Variants in ISY1 observed in about 807,000 individuals in gnomAD.
ISY1 encodes pre-mRNA-splicing factor ISY1 homolog.
A neutral mutation model predicts 54.4 loss-of-function variants in ISY1; 12 were observed. The observed-to-expected ratio is 0.22, with a 90% CI of 0.14 to 0.36. The LOEUF (loss-of-function observed/expected upper bound fraction) is 0.36, where lower values mean the gene tolerates loss of function less well. Among genes scored for constraint, ISY1 ranks in the 10% least tolerant of loss-of-function variants. The pLI, the probability that ISY1 is intolerant of heterozygous loss-of-function variation, is 1.00. For synonymous variants in ISY1, 96 were observed against 117.9 expected (o/e 0.81, Z 1.20); for missense variants, 282 against 342.2 (o/e 0.82, Z 1.39).
intron 6 of ISY1, 33 bp from the exon 7 acceptor site, chr3:129,140,518 T>TGTTA (rs377695484): frequency 2.8e-5 from 44 of 1,563,310 alleles, no homozygotes; most frequent in Middle Eastern, 3.4e-4. Context: ...AAAATGGATC[T>TGTTA]GTTAGTTAGT....
chr3:129,152,294 T>C, intron 5 of ISY1, among the ~76,000 whole-genome samples: 1 of 152,264 alleles, frequency 6.6e-6, no homozygotes, highest in South Asian at 2.1e-4. Flanking sequence ...CAGTTTTTCT[T>C]CTTTGGAATG....
At chr3:129,141,140 G>A (rs958750331) in intron 6 of ISY1, among the ~76,000 whole-genome samples, 4 of 151,356 alleles carry the variant, frequency 2.6e-5, no homozygotes, top group Non-Finnish European at 5.9e-5. Context: ...GGGAGGTGGA[G>A]ATTGCAGCGA....
At chr3:129,159,048 C>G in intron 2 of ISY1, 106 bp downstream of exon 2, 2 of 1,398,572 alleles carry the variant, frequency 1.4e-6, no homozygotes, top group Admixed American at 2.2e-5. Flanking sequence ...AAGAAAGAAA[C>G]AGCTTCTCAA....
chr3:129,140,054 A>G (rs1936561604), intron 7 of ISY1, among the ~76,000 whole-genome samples: 1 of 152,234 alleles, frequency 6.6e-6, no homozygotes. Context: ...AATGAACTTC[A>G]GAGCCTGCCC....
At position 129,130,173 on chromosome 3, in the gene ISY1, C is replaced by G. The variant is rs1936197361; in HGVS notation, c.766G>C (p.Val256Leu). 2 of 1,610,218 alleles carry G rather than the reference C, an allele frequency of 1.2e-6. No homozygotes were observed. Among genetic ancestry groups the G allele is most frequent in the Non-Finnish European group, 1.7e-6 (2 of 1,178,598 alleles). The change falls in exon 11 of 11, where the codon GTG becomes CTG. Residue 256 changes from valine (V) to leucine (L), a missense_variant. This residue lies in a region of ISY1 where 279 missense variants were observed against 323.6 expected (regional missense o/e 0.86). Coordinates refer to ENST00000393295, the MANE Select transcript of ISY1 (RefSeq NM_020701.4). Reference protein sequence around the residue: ...PSQQEIEEALVRRKKMELLQK... With the variant: ...PSQQEIEEALLRRKKMELLQK... ...AGGAGTTCCATTTTCTTCCTTCGCA[C>G]CAGTGCCTCCTCAATCTGTGGAAAT...
intron 9 of ISY1, among the ~76,000 whole-genome samples, chr3:129,131,466 G>A (rs971913973): frequency 2.6e-5 from 4 of 152,190 alleles, no homozygotes; most frequent in Non-Finnish European, 5.9e-5. Context: ...GTCACAAGAG[G>A]TCAGGAGGGT....
intron 7 of ISY1, among the ~76,000 whole-genome samples, chr3:129,135,608 AC>A (rs1352710026): frequency 2.0e-5 from 3 of 151,904 alleles, no homozygotes; most frequent in Non-Finnish European, 4.4e-5. Context: ...TACTAAAAAT[AC>A]AAAAATTAGC....
intron 9 of ISY1, among the ~76,000 whole-genome samples, chr3:129,132,838 T>C (rs1180561934): frequency 6.6e-6 from 1 of 152,264 alleles, no homozygotes; most frequent in Non-Finnish European, 1.5e-5. Flanking sequence ...GCTTCAGACC[T>C]GCACTGAACC....
intron 5 of ISY1, 101 bp downstream of exon 5, chr3:129,156,532 T>C (rs1187458207): frequency 1.6e-6 from 2 of 1,231,902 alleles, no homozygotes; most frequent in African/African-American, 3.0e-5. Context: ...ACTGATTTAC[T>C]ATCTACTTGC....
At chr3:129,145,916 A>G (rs1560018860) in intron 5 of ISY1, 43 bp from the exon 6 acceptor site, 1 of 1,592,270 alleles carries the variant, frequency 6.3e-7, no homozygotes. Context: ...ATAAAAATGA[A>G]TGTCAACACC....
At chr3:129,152,925 TTAG>T (rs1473969061) in intron 5 of ISY1, among the ~76,000 whole-genome samples, 1 of 152,152 alleles carries the variant, frequency 6.6e-6, no homozygotes, top group Non-Finnish European at 1.5e-5. Context: ...CCTTAAATAT[TTAG>T]TAGAACTGAC....
Position 129,134,065 on chromosome 3 carries a change from C to T in ISY1, c.663+9G>A. Reference sequence around the variant, plus strand: ...GGCAGTGAGTGCCAGAGGGGGCCAACCCCAATACCTCCTCCTCGGTGACTG... The same window carrying T: ...GGCAGTGAGTGCCAGAGGGGGCCAATCCCAATACCTCCTCCTCGGTGACTG... On this transcript the variant is annotated intron_variant, in intron 9 of 10. Transcript: ENST00000393295. 1 of 1,613,932 alleles carries T rather than the reference C, an allele frequency of 6.2e-7. No individual in the cohort carries two copies. Among genetic ancestry groups the T allele is most frequent in the Non-Finnish European group, 8.5e-7 (1 of 1,179,968 alleles).
At chr3:129,156,791 T>G (rs769572784) in intron 4 of ISY1, 64 bp downstream of exon 4, 20 of 1,587,312 alleles carry the variant, frequency 1.3e-5, no homozygotes, top group Non-Finnish European at 1.7e-5. Context: ...AACAGTCATT[T>G]AGATAATAAG....
intron 5 of ISY1, among the ~76,000 whole-genome samples, chr3:129,147,369 T>C (rs1560019380): frequency 6.6e-6 from 1 of 151,978 alleles, no homozygotes; most frequent in Non-Finnish European, 1.5e-5. Flanking sequence ...AGGGCAAGAC[T>C]GTCTCACAAA....
chr3:129,144,674 CTTA>C (rs1474184997), intron 6 of ISY1, among the ~76,000 whole-genome samples: 2 of 151,996 alleles, frequency 1.3e-5, no homozygotes, highest in African/African-American at 4.8e-5. Context: ...ATATACCATA[CTTA>C]TTGTTTTTTT....
At chr3:129,149,578 C>T (rs13089311) in intron 5 of ISY1, among the ~76,000 whole-genome samples, 1 of 96,076 alleles carries the variant, frequency 1.0e-5, no homozygotes, top group Non-Finnish European at 2.0e-5. Flanking sequence ...GAAACCCCGT[C>T]TCTACTAAAA....
intron 1 of ISY1, 142 bp downstream of exon 1, chr3:129,160,831 G>A (rs1937286310): frequency 1.9e-6 from 2 of 1,070,962 alleles, no homozygotes; most frequent in Non-Finnish European, 2.7e-6. Flanking sequence ...GGCAGGAAGA[G>A]AATCCCCTCG....
At position 129,156,877 on chromosome 3, in the gene ISY1, T is replaced by C. The variant is rs772713488; in HGVS notation, c.122A>G (p.Lys41Arg). The C allele has an allele frequency of 6.2e-7, 1 of 1,614,042 alleles. No individual in the cohort carries two copies. The change falls in exon 4 of 11, where the codon AAA (lysine) becomes AGA (arginine). Residue 41 changes from lysine to arginine, a missense_variant. Physicochemically the swap from Lys to Arg is conservative, Grantham distance 26. Coordinates refer to ENST00000393295, the MANE Select transcript of ISY1 (RefSeq NM_020701.4). ...FLASECTELP[K>R]AEKWRRQIIG... ...TACCTGTCGTCTCCACTTCTCAGCT[T>C]TAGGCAGTTCAGTACATTCTGAGGC...
intron 10 of ISY1, 36 bp downstream of exon 10, chr3:129,130,514 C>T (rs1560012201): frequency 1.8e-5 from 29 of 1,610,120 alleles, no homozygotes; most frequent in Non-Finnish European, 2.3e-5. Context: ...TTAGAGAAGC[C>T]CCCGGCGCCC....
Sources: allele counts gnomAD v4.1 joint callset (sites outside exome capture counted in the v4.1 genomes callset), GRCh38; gene constraint gnomAD v4.1.1; regional missense constraint gnomAD v4.1.1; transcripts MANE v1.5; gene names NCBI Gene and HGNC (gene_info 2026-07-23, HGNC 2026-07-21).